Variants in MYPN observed in about 807,000 individuals in gnomAD.
MYPN encodes sarcomeric protein myopalladin, 145 kDa (MYOP).
In MYPN, 63 loss-of-function variants were observed where a neutral mutation model predicts 129.4. That is an observed-to-expected ratio of 0.49 (90% CI 0.40 to 0.60). The LOEUF is 0.60. Among genes scored for constraint, MYPN ranks in the 20% least tolerant of loss-of-function variants. The pLI, the probability that MYPN is intolerant of heterozygous loss-of-function variation, is 0.00. For missense variants in MYPN, 1,596 were observed against 1,635.4 expected (o/e 0.98, Z 0.42); for synonymous variants, 629 against 600.9 (o/e 1.05, Z -0.68).
chr10:68,204,203 C>A (rs1270621734), intron 18 of MYPN, among the ~76,000 whole-genome samples: 1 of 152,192 alleles, frequency 6.6e-6, no homozygotes, highest in African/African-American at 2.4e-5. Context: ...AAGGAAGAGA[C>A]CACGTCTTCT....
intron 1 of MYPN, among the ~76,000 whole-genome samples, chr10:68,099,084 T>C (rs1191327044): frequency 6.6e-6 from 1 of 152,252 alleles, no homozygotes; most frequent in Non-Finnish European, 1.5e-5. Context: ...CCTTTTAATG[T>C]TTCTTTTTGT....
At chr10:68,168,794 G>A (rs755386334) in intron 10 of MYPN, among the ~76,000 whole-genome samples, 2 of 151,706 alleles carry the variant, frequency 1.3e-5, no homozygotes, top group East Asian at 1.9e-4. Flanking sequence ...TGCCAGAGTC[G>A]GGATGAAAAG....
In MYPN at chr10:68,145,484, C is replaced by T. The variant is rs760566381; in HGVS notation, c.1088C>T (p.Ser363Phe). The change falls in exon 4 of 20, where the codon TCT becomes TTT. Residue 363 changes from serine to phenylalanine, a missense_variant. Transcript: ENST00000358913. ...SAEIYIEGVS[S>F]SDSEGDPNKE... is the part of the protein sequence containing the mutation. ...GTTTTTATTTTTCCAGGGGTTTCTT[C>T]TTCTGACTCAGAAGGCGACCCTAAC... 2.0e-5 allele frequency: 33 copies of T among 1,613,350 alleles called. 1 individual carries two copies. Among genetic ancestry groups the T allele is most frequent in the Middle Eastern group, 1.7e-4 (1 of 6,054 alleles).
Position 68,136,713 on chromosome 10 carries a change from T to A in MYPN, c.903-6227T>A, listed in dbSNP as rs1393728481. On this transcript the variant is annotated intron_variant, in intron 2 of 19. Transcript: ENST00000358913. Reference sequence around the variant, plus strand: ...TTCTGGCTATCCAATTGCTCATAGATGTTTCCACTCTCATTTTGGTAAGGA... The same window carrying A: ...TTCTGGCTATCCAATTGCTCATAGAAGTTTCCACTCTCATTTTGGTAAGGA... 5 of 1,535,562 alleles carry A rather than the reference T, an allele frequency of 3.3e-6. No homozygotes were observed. In the Admixed American group the frequency reaches 9.8e-5, roughly 30 times the overall value.
At chr10:68,104,311 G>T (rs1317615867), upstream of MYPN, among the ~76,000 whole-genome samples, 1 of 152,120 alleles carries the variant, frequency 6.6e-6, no homozygotes, top group African/African-American at 2.4e-5. Context: ...TGGCATATTG[G>T]CATATTTTGA....
At chr10:68,091,986 G>A (rs1378565922) in intron 1 of MYPN, among the ~76,000 whole-genome samples, 1 of 151,998 alleles carries the variant, frequency 6.6e-6, no homozygotes. Context: ...GGAGGCCAAG[G>A]TGAATGGATT....
At chr10:68,150,015 T>TTTAC in intron 5 of MYPN, 25 bp from the exon 6 acceptor site, 1 of 1,597,484 alleles carries the variant, frequency 6.3e-7, no homozygotes, top group Non-Finnish European at 8.6e-7. Flanking sequence ...TAACAATGAA[T>TTTAC]TTACTGTTGC....
Position 68,121,802 on chromosome 10 carries a change from C to A in MYPN, c.364C>A (p.Pro122Thr). ...SFEPNFCQDN[P>T]RSPTSSKESP... is the part of the protein sequence containing the mutation. Reference sequence around the variant, plus strand: ...TGAGCCTAACTTCTGCCAGGATAACCCTCGAAGTCCCACCAGCTCTAAAGA... The same window carrying A: ...TGAGCCTAACTTCTGCCAGGATAACACTCGAAGTCCCACCAGCTCTAAAGA... The change falls in exon 2 of 20, where the codon CCT (proline) becomes ACT (threonine). Residue 122 changes from proline to threonine, a missense_variant. By Grantham distance (38) the Pro-to-Thr change is conservative (BLOSUM62 -1). Transcript: ENST00000358913. 1.2e-6 allele frequency: 2 copies of A among 1,614,156 alleles called. No homozygotes were observed. The highest frequency in any genetic ancestry group is 1.1e-5 in the South Asian group (1 of 91,076).
rs111634581 is a variant in MYPN, at chr10:68,148,487, A to G, written c.1245+20A>G. 2,585 of 1,582,512 alleles carry G rather than the reference A, an allele frequency of 1.6e-3. 45 individuals carry two copies. The African/African-American group carries it at 0.03, about 18-fold the overall frequency. ...CAGCAGGTACAAGAATCCAAGCGAA[A>G]CACAAGTGCCATCCACTGTGACAGA... On this transcript the variant is annotated intron_variant, in intron 5 of 19. Transcript: ENST00000358913.
chr10:68,206,909 T>G lies in MYPN; in HGVS notation c.3793+6T>G. On this transcript the variant is annotated splice_donor_region_variant and intron_variant, in intron 19 of 19. Transcript: ENST00000358913. ...TGCCAGGCTGGATATATACGGTAAGTGTAATGCTGTTAGTTGAACATCTGT... is the reference window on the plus strand; with the variant it reads ...TGCCAGGCTGGATATATACGGTAAGGGTAATGCTGTTAGTTGAACATCTGT... 6.2e-7 allele frequency: 1 copy of G among 1,614,076 alleles called. No individual in the cohort carries two copies. Among genetic ancestry groups the G allele is most frequent in the Non-Finnish European group, 8.5e-7 (1 of 1,180,000 alleles).
At chr10:68,157,833 A>G (rs2634706) in intron 6 of MYPN, among the ~76,000 whole-genome samples, 1 of 148,956 alleles carries the variant, frequency 6.7e-6, no homozygotes, top group Non-Finnish European at 1.5e-5. Flanking sequence ...GAGAGTGAGA[A>G]CCTGTCTCAG....
intron 3 of MYPN, among the ~76,000 whole-genome samples, chr10:68,144,807 G>A (rs979075757): frequency 6.6e-6 from 1 of 152,144 alleles, no homozygotes; most frequent in Non-Finnish European, 1.5e-5. Flanking sequence ...CCAAGAGGAA[G>A]AGGATTTACG....
intron 1 of MYPN, among the ~76,000 whole-genome samples, chr10:68,110,041 T>C (rs904746629): frequency 1.3e-5 from 2 of 152,252 alleles, no homozygotes; most frequent in Non-Finnish European, 2.9e-5. Context: ...GAATGTTGTT[T>C]ATATAGAGAA....
chr10:68,158,390 TA>T, intron 6 of MYPN, 95 bp from the exon 7 acceptor site: 1 of 1,211,304 alleles, frequency 8.3e-7, no homozygotes, highest in Non-Finnish European at 1.2e-6. Context: ...AAAATCCAAA[TA>T]TGGAGACGGC....
chr10:68,167,960 C>T (rs897019267), intron 10 of MYPN, among the ~76,000 whole-genome samples: 1 of 152,210 alleles, frequency 6.6e-6, no homozygotes, highest in Non-Finnish European at 1.5e-5. Context: ...GCCTTTTCAC[C>T]TGTCACTCAG....
chr10:68,147,869 T>C (rs1253535649), intron 4 of MYPN, among the ~76,000 whole-genome samples: 2 of 152,240 alleles, frequency 1.3e-5, no homozygotes, highest in Admixed American at 6.5e-5. Flanking sequence ...GAAAAGCTTG[T>C]TGACTTCATG....
intron 2 of MYPN, among the ~76,000 whole-genome samples, chr10:68,125,555 A>G (rs2042313838): frequency 6.6e-6 from 1 of 152,210 alleles, no homozygotes; most frequent in Admixed American, 6.5e-5. Context: ...ACAGTGATCA[A>G]TGCAATGACA....
In MYPN at chr10:68,174,449, C is replaced by T; in HGVS notation, c.2357C>T (p.Pro786Leu). 1 of 1,614,154 alleles carries T rather than the reference C, an allele frequency of 6.2e-7. No individual in the cohort carries two copies. The highest frequency in any genetic ancestry group is 8.5e-7 in the Non-Finnish European group (1 of 1,180,020). Residue 786 changes from proline to leucine, a missense_variant, in exon 11 of 20, where the codon CCA becomes CTA. Coordinates refer to ENST00000358913, the MANE Select transcript of MYPN (RefSeq NM_032578.4). ...CTTTCCATCCAAAATGAGCCACTCCCACCAGGCCCAACAGAACCAACACCA... is the reference window on the plus strand; with the variant it reads ...CTTTCCATCCAAAATGAGCCACTCCTACCAGGCCCAACAGAACCAACACCA... ...GGLSIQNEPL[P>L]PGPTEPTPPP... is the part of the protein sequence containing the mutation.
intron 1 of MYPN, among the ~76,000 whole-genome samples, chr10:68,094,029 A>G (rs1254886479): frequency 6.6e-6 from 1 of 152,084 alleles, no homozygotes; most frequent in African/African-American, 2.4e-5. Flanking sequence ...GCATGCGAAT[A>G]TACTATAATT....
Sources: allele counts gnomAD v4.1 joint callset (sites outside exome capture counted in the v4.1 genomes callset), GRCh38; gene constraint gnomAD v4.1.1; transcripts MANE v1.5; gene names NCBI Gene and HGNC (gene_info 2026-07-23, HGNC 2026-07-21).